Variants in SCHIP1 observed in about 807,000 individuals in gnomAD.
SCHIP1 encodes the protein schwannomin-interacting protein 1.
In SCHIP1, 8 loss-of-function variants were observed where a neutral mutation model predicts 29.7. The ratio of observed to expected loss-of-function variants is 0.27; its 90% CI spans 0.16 to 0.49. The LOEUF is 0.49. Ranked by LOEUF, SCHIP1 falls within the 20% of genes least tolerant of loss-of-function variation. SCHIP1 has a pLI of 0.99. For missense variants in SCHIP1, 193 were observed against 294.6 expected (o/e 0.66, Z 2.52); for synonymous variants, 76 against 94.9 (o/e 0.80, Z 1.16).
chr3:159,612,548 A>ACCAGCATGG, the SCHIP1 span, among the ~76,000 whole-genome samples: 2 of 152,202 alleles, frequency 1.3e-5, no homozygotes, highest in Non-Finnish European at 2.9e-5. Flanking sequence ...GGAGTTCAAG[A>ACCAGCATGG]CCAGCATGGC....
chr3:159,416,361 T>C, the SCHIP1 span, among the ~76,000 whole-genome samples: 1 of 152,198 alleles, frequency 6.6e-6, no homozygotes, highest in Non-Finnish European at 1.5e-5. Context: ...TCTGAAATTA[T>C]TTTATATATG....
the SCHIP1 span, among the ~76,000 whole-genome samples, chr3:159,444,777 T>G: frequency 6.6e-6 from 1 of 152,034 alleles, no homozygotes; most frequent in African/African-American, 2.4e-5. Context: ...AGTACTTGGC[T>G]TTCACACTCA....
At chr3:159,765,299 G>T in the SCHIP1 span, 1 of 828,348 alleles carries the variant, frequency 1.2e-6, no homozygotes, top group East Asian at 3.2e-5. Context: ...CTCCCCTGGG[G>T]ATAAGGTTGC....
the SCHIP1 span, among the ~76,000 whole-genome samples, chr3:159,756,952 A>G: frequency 6.6e-6 from 1 of 152,224 alleles, no homozygotes; most frequent in Admixed American, 6.5e-5. Context: ...CTTAATGTCC[A>G]TATCACTATC....
the SCHIP1 span, among the ~76,000 whole-genome samples, chr3:159,815,315 A>G: frequency 2.0e-4 from 30 of 152,200 alleles, no homozygotes; most frequent in Non-Finnish European, 2.8e-4. Context: ...ATTTACCTCA[A>G]GGATACCTCC....
chr3:159,490,596 G>A, the SCHIP1 span, among the ~76,000 whole-genome samples: 1 of 152,162 alleles, frequency 6.6e-6, no homozygotes, highest in Admixed American at 6.5e-5. Flanking sequence ...CAAAGTGCAT[G>A]CACACAAACA....
the SCHIP1 span, among the ~76,000 whole-genome samples, chr3:159,395,235 G>A: frequency 8.0e-4 from 121 of 151,712 alleles, no homozygotes; most frequent in African/African-American, 2.3e-3. Flanking sequence ...TCTTGCTAGC[G>A]GTCTATCTAT....
intron 2 of SCHIP1, among the ~76,000 whole-genome samples, chr3:159,874,818 T>C (rs550168990): frequency 1.6e-4 from 25 of 152,348 alleles, no homozygotes; most frequent in Admixed American, 3.9e-4. Context: ...GGCATCTTTC[T>C]TGAAATAATA....
At chr3:159,866,398 T>C in intron 2 of SCHIP1, 117 bp downstream of exon 3, 1 of 894,428 alleles carries the variant, frequency 1.1e-6, no homozygotes, top group Non-Finnish European at 1.7e-6. Context: ...CCTCGCATAA[T>C]ACTGCCATCT....
the SCHIP1 span, among the ~76,000 whole-genome samples, chr3:159,352,583 AT>A: frequency 0.016 from 2,469 of 152,236 alleles, 56 homozygotes; most frequent in African/African-American, 0.056. Flanking sequence ...GCGTGATGGA[AT>A]TTTATTATGT....
the SCHIP1 span, among the ~76,000 whole-genome samples, chr3:159,297,238 C>T: frequency 1.1e-4 from 16 of 151,084 alleles, no homozygotes; most frequent in South Asian, 8.4e-4. Flanking sequence ...GTGGCTGTTG[C>T]GAATAATGCT....
chr3:159,373,592 A>C, the SCHIP1 span, among the ~76,000 whole-genome samples: 1 of 151,992 alleles, frequency 6.6e-6, no homozygotes, highest in Admixed American at 6.6e-5. Context: ...GCCTCTGGTA[A>C]TCCCCATTCT....
the SCHIP1 span, among the ~76,000 whole-genome samples, chr3:159,645,580 C>T: frequency 5.9e-5 from 9 of 152,176 alleles, no homozygotes; most frequent in Admixed American, 1.3e-4. Flanking sequence ...GCACCCTCTG[C>T]GTGTATTGGT....
the SCHIP1 span, among the ~76,000 whole-genome samples, chr3:159,343,509 G>T: frequency 1.3e-5 from 2 of 152,154 alleles, no homozygotes; most frequent in Non-Finnish European, 2.9e-5. Context: ...GTGTCACCAT[G>T]TTCTTCTTGG....
At chr3:159,660,147 GAAGA>G in the SCHIP1 span, among the ~76,000 whole-genome samples, 1 of 152,266 alleles carries the variant, frequency 6.6e-6, no homozygotes, top group Non-Finnish European at 1.5e-5. Flanking sequence ...TGGCCACTGA[GAAGA>G]AAGGAAAGCA....
chr3:159,303,864 T>C, the SCHIP1 span, among the ~76,000 whole-genome samples: 1 of 152,222 alleles, frequency 6.6e-6, no homozygotes, highest in Non-Finnish European at 1.5e-5. Context: ...TTTTTTTCTT[T>C]TTCTTTTATT....
chr3:159,617,409 C>T, the SCHIP1 span, among the ~76,000 whole-genome samples: 3 of 152,032 alleles, frequency 2.0e-5, no homozygotes, highest in African/African-American at 7.2e-5. Context: ...CAAAGTTTTC[C>T]CAGGAGAAAT....
At chr3:159,583,305 T>G in the SCHIP1 span, among the ~76,000 whole-genome samples, 2 of 152,122 alleles carry the variant, frequency 1.3e-5, no homozygotes, top group Non-Finnish European at 2.9e-5. Context: ...CTTTTCCCTA[T>G]CACCAATCTG....
exon 7 of SCHIP1, chr3:159,897,290 G>A (rs1384065914): frequency 6.6e-6 from 1 of 152,622 alleles, no homozygotes; most frequent in East Asian, 1.9e-4. Flanking sequence ...TTAACATTCT[G>A]TTGGATTCAG....
Sources: allele counts gnomAD v4.1 joint callset (sites outside exome capture counted in the v4.1 genomes callset), GRCh38; gene constraint gnomAD v4.1.1; transcripts MANE v1.5; gene names NCBI Gene and HGNC (gene_info 2026-07-23, HGNC 2026-07-21).